CPLANE1: variants seen among roughly 807,000 people sequenced by gnomAD.
CPLANE1 encodes the protein ciliogenesis and planar polarity effector 1.
A neutral mutation model predicts 362.5 loss-of-function variants in CPLANE1; 263 were observed. The observed-to-expected ratio is 0.73, with a 90% CI of 0.66 to 0.80. The LOEUF (loss-of-function observed/expected upper bound fraction) is 0.80. CPLANE1 is among the 30% of genes least tolerant of loss of function. CPLANE1 has a pLI of 0.00. For synonymous variants in CPLANE1, 1,212 were observed against 1,302.6 expected (o/e 0.93, Z 1.50); for missense variants, 3,461 against 3,793.4 (o/e 0.91, Z 2.30).
At chr5:37,215,980 C>T (rs1173735439) in intron 15 of CPLANE1, among the ~76,000 whole-genome samples, 7 of 151,818 alleles carry the variant, frequency 4.6e-5, no homozygotes, top group Admixed American at 2.0e-4. Flanking sequence ...TATAGGCACA[C>T]GCCACCTTGA....
At chr5:37,121,471 G>T in intron 49 of CPLANE1, 146 bp downstream of exon 49, 1 of 716,414 alleles carries the variant, frequency 1.4e-6, no homozygotes, top group Non-Finnish European at 2.3e-6. Context: ...AAGACCTCAT[G>T]ATTATGAGGC....
the CPLANE1 span, among the ~76,000 whole-genome samples, chr5:37,076,154 G>T: frequency 3.3e-5 from 5 of 151,752 alleles, no homozygotes; most frequent in African/African-American, 1.2e-4. Context: ...TACTCAGGAG[G>T]CCAAGGCAGG....
intron 8 of CPLANE1, among the ~76,000 whole-genome samples, chr5:37,235,503 T>C (rs183033427): frequency 1.7e-4 from 25 of 147,708 alleles, no homozygotes; most frequent in African/African-American, 5.9e-4. Context: ...GAAAAAACAA[T>C]CCTAAAACTC....
intron 16 of CPLANE1, among the ~76,000 whole-genome samples, chr5:37,207,947 T>G (rs1206890758): frequency 6.6e-6 from 1 of 151,930 alleles, no homozygotes; most frequent in African/African-American, 2.4e-5. Context: ...TGTTGTTGTT[T>G]TTGTTTTGTT....
At chr5:37,117,310 T>C (rs1282277157) in intron 50 of CPLANE1, among the ~76,000 whole-genome samples, 2 of 150,688 alleles carry the variant, frequency 1.3e-5, no homozygotes, top group African/African-American at 4.9e-5. Context: ...TAATCTAGTA[T>C]GGGGCATGAA....
intron 33 of CPLANE1, 108 bp downstream of exon 33, chr5:37,169,933 G>T: frequency 9.3e-7 from 1 of 1,074,670 alleles, no homozygotes; most frequent in Non-Finnish European, 1.4e-6. Context: ...CACGATGTTG[G>T]CCAGGCTGGT....
chr5:37,107,944 C>T (rs1257742457), intron 52 of CPLANE1, among the ~76,000 whole-genome samples, 166 bp from the exon 53 acceptor site: 1 of 152,180 alleles, frequency 6.6e-6, no homozygotes, highest in Non-Finnish European at 1.5e-5. Flanking sequence ...GATTGCCCAG[C>T]ACATCCAGAT....
chr5:37,151,374 A>G (rs1208852197), intron 42 of CPLANE1, among the ~76,000 whole-genome samples: 2 of 152,158 alleles, frequency 1.3e-5, no homozygotes, highest in African/African-American at 4.8e-5. Flanking sequence ...AGGCATATCT[A>G]TGTGCCTCAT....
Position 37,191,519 on chromosome 5 carries a change from A to G in CPLANE1, c.3812-3677T>C, listed in dbSNP as rs377208040. ...AACCCCGTCTCTACTAAAAATACAA[A>G]AATTAACCAGGTATGGTGGTACATG... On this transcript the variant is annotated intron_variant, in intron 21 of 52. Transcript: ENST00000651892. 1.4e-4 allele frequency among the ~76,000 whole-genome samples: 21 copies of G among 152,140 alleles called. No individual in the cohort carries two copies. The East Asian group carries it at 1.5e-3, about 11-fold the overall frequency.
At chr5:37,111,870 G>A (rs751678023) in intron 51 of CPLANE1, among the ~76,000 whole-genome samples, 3 of 151,538 alleles carry the variant, frequency 2.0e-5, no homozygotes, top group Non-Finnish European at 4.4e-5. Context: ...TGACAGGAAT[G>A]CATATGTGAA....
chr5:37,179,550 AT>A (rs1782111862), intron 28 of CPLANE1, 107 bp from the exon 29 acceptor site: 1 of 710,200 alleles, frequency 1.4e-6, no homozygotes, highest in Non-Finnish European at 2.4e-6. Context: ...TGACAGAAAT[AT>A]TTTCTATCCT....
chr5:37,239,271 A>C (rs1581009459), intron 7 of CPLANE1, among the ~76,000 whole-genome samples: 1 of 152,152 alleles, frequency 6.6e-6, no homozygotes. Flanking sequence ...ATTGGATTAA[A>C]CACCACCAAC....
chr5:37,217,914 A>T (rs1794484083), intron 15 of CPLANE1, among the ~76,000 whole-genome samples: 2 of 152,072 alleles, frequency 1.3e-5, no homozygotes, highest in South Asian at 4.1e-4. Flanking sequence ...CGGGAGGCAG[A>T]GGTTGCAATG....
chr5:37,177,296 C>A (rs1270593703), intron 30 of CPLANE1, among the ~76,000 whole-genome samples: 1 of 152,032 alleles, frequency 6.6e-6, no homozygotes, highest in African/African-American at 2.4e-5. Flanking sequence ...TTATTTGATT[C>A]AATAAAAATG....
At chr5:37,185,247 T>C (rs554693679) in intron 24 of CPLANE1, among the ~76,000 whole-genome samples, 168 bp from the exon 25 acceptor site, 1 of 152,264 alleles carries the variant, frequency 6.6e-6, no homozygotes, top group East Asian at 1.9e-4. Context: ...TGGAAAGATA[T>C]TTTAAAGTAG....
intron 15 of CPLANE1, among the ~76,000 whole-genome samples, chr5:37,218,851 G>A (rs1475418182): frequency 6.6e-6 from 1 of 151,840 alleles, no homozygotes; most frequent in African/African-American, 2.4e-5. Flanking sequence ...GGGAGGCTGA[G>A]GCAGGAAAAC....
intron 43 of CPLANE1, among the ~76,000 whole-genome samples, chr5:37,145,953 T>C (rs1298891343): frequency 6.6e-6 from 1 of 152,134 alleles, no homozygotes; most frequent in African/African-American, 2.4e-5. Flanking sequence ...GATATCTAAT[T>C]TACAAGAAAT....
At chr5:37,158,444 T>C in intron 38 of CPLANE1, 99 bp from the exon 39 acceptor site, 1 of 1,152,626 alleles carries the variant, frequency 8.7e-7, no homozygotes, top group Non-Finnish European at 1.2e-6. Flanking sequence ...ACAAACAACA[T>C]AAATTGTACT....
chr5:37,096,466 T>C, the CPLANE1 span, among the ~76,000 whole-genome samples: 1 of 152,126 alleles, frequency 6.6e-6, no homozygotes, highest in African/African-American at 2.4e-5. Context: ...GAAGATAACA[T>C]TGGAAAACCC....
Sources: gnomAD v4.1 joint callset for allele counts (sites outside exome capture counted in the v4.1 genomes callset) on GRCh38, gnomAD v4.1.1 for gene constraint, MANE v1.5 for transcripts, NCBI Gene and HGNC (gene_info 2026-07-23, HGNC 2026-07-21) for gene names.